Variants in TMC2 observed in about 807,000 individuals in gnomAD.
The protein encoded by TMC2 is transmembrane channel like 2, also known as transmembrane channel-like protein 2.
Under a neutral mutation model 105.9 loss-of-function variants are expected in TMC2, and 102 were observed. The ratio of observed to expected loss-of-function variants is 0.96; its 90% CI spans 0.82 to 1.14. TMC2 has a LOEUF of 1.14. Among genes scored for constraint, TMC2 ranks in the 50% most tolerant of loss-of-function variants. TMC2 has a pLI of 0.00. For synonymous variants in TMC2, 402 were observed against 422.8 expected, an observed-to-expected ratio of 0.95 and a Z score of 0.60; for missense variants, 1,093 against 1,134.3, an observed-to-expected ratio of 0.96 and a Z score of 0.52.
chr20:2,580,573 T>C (rs889983560), intron 7 of TMC2, among the ~76,000 whole-genome samples: 2 of 152,072 alleles, frequency 1.3e-5, no homozygotes, highest in African/African-American at 4.8e-5. Context: ...TATTCTCCCA[T>C]ATATAATTTT....
intron 7 of TMC2, among the ~76,000 whole-genome samples, chr20:2,589,702 C>T (rs780812388): frequency 1.3e-5 from 2 of 152,134 alleles, no homozygotes; most frequent in Admixed American, 6.6e-5. Context: ...CAAAGTCTCC[C>T]TCTGTCTCCC....
chr20:2,613,388 C>G, intron 14 of TMC2, 66 bp downstream of exon 14: 1 of 1,600,602 alleles, frequency 6.2e-7, no homozygotes, highest in Non-Finnish European at 8.6e-7. Context: ...ATACTTATAG[C>G]CAGATGCATT....
intron 2 of TMC2, among the ~76,000 whole-genome samples, chr20:2,538,881 G>A (rs902725524): frequency 1.3e-5 from 2 of 152,152 alleles, no homozygotes; most frequent in African/African-American, 4.8e-5. Flanking sequence ...CCTGCGACGG[G>A]ACCTGATATT....
At chr20:2,640,565 G>A (rs553097439) in intron 19 of TMC2, among the ~76,000 whole-genome samples, 143 of 152,158 alleles carry the variant, frequency 9.4e-4, no homozygotes, top group Admixed American at 2.8e-3. Flanking sequence ...AGTGCAAGGG[G>A]AAGAGCTTAG....
chr20:2,550,141 C>G (rs1423760373), intron 2 of TMC2, among the ~76,000 whole-genome samples: 3 of 151,654 alleles, frequency 2.0e-5, no homozygotes, highest in African/African-American at 7.3e-5. Flanking sequence ...CGAGATCACA[C>G]CAGACTGCAC....
chr20:2,587,432 T>C (rs2086238798), intron 7 of TMC2, among the ~76,000 whole-genome samples: 1 of 152,152 alleles, frequency 6.6e-6, no homozygotes, highest in African/African-American at 2.4e-5. Flanking sequence ...ATCTAGAATT[T>C]TTGCATCTAT....
intron 7 of TMC2, among the ~76,000 whole-genome samples, chr20:2,587,312 T>G (rs750497763): frequency 6.6e-6 from 1 of 152,202 alleles, no homozygotes; most frequent in Admixed American, 6.5e-5. Context: ...GTGAATTATA[T>G]TGATTTATTT....
At chr20:2,557,395 T>C (rs1295198893) in intron 2 of TMC2, among the ~76,000 whole-genome samples, 1 of 152,232 alleles carries the variant, frequency 6.6e-6, no homozygotes, top group Non-Finnish European at 1.5e-5. Context: ...ACTTCTATTA[T>C]AGTGTTTTTG....
At chr20:2,585,505 T>C (rs370665096) in intron 7 of TMC2, among the ~76,000 whole-genome samples, 3 of 152,220 alleles carry the variant, frequency 2.0e-5, no homozygotes, top group African/African-American at 7.2e-5. Flanking sequence ...GAAGTGGTTC[T>C]GGCTTGGGGT....
chr20:2,557,479 T>C (rs1165086925), intron 2 of TMC2, among the ~76,000 whole-genome samples: 1 of 152,214 alleles, frequency 6.6e-6, no homozygotes, highest in Non-Finnish European at 1.5e-5. Flanking sequence ...TGTTCTTGCA[T>C]GTTGTCCATT....
chr20:2,641,178 A>G lies in TMC2; in HGVS notation c.2548A>G (p.Lys850Glu), dbSNP rs2086686072. The change falls in exon 20 of 20, where the codon AAG becomes GAG. Residue 850 changes from lysine (K) to glutamate (E), a missense_variant. By Grantham distance (56) the Lys-to-Glu change is moderately conservative. Coordinates refer to ENST00000358864, the MANE Select transcript of TMC2 (RefSeq NM_080751.3). ...SASQSQAMDK[K>E]AQGPGTSNSA... ...CAGCCAAAGCCAGGCCATGGACAAGAAGGCGCAGGGCCCTGGGACCTCCAA... is the reference window on the plus strand; with the variant it reads ...CAGCCAAAGCCAGGCCATGGACAAGGAGGCGCAGGGCCCTGGGACCTCCAA... 1 of 1,611,490 alleles carries G rather than the reference A, an allele frequency of 6.2e-7. No individual in the cohort carries two copies. Among genetic ancestry groups the G allele is most frequent in the Non-Finnish European group, 8.5e-7 (1 of 1,178,456 alleles).
At chr20:2,604,867 C>A (rs2086377823) in intron 11 of TMC2, among the ~76,000 whole-genome samples, 1 of 152,254 alleles carries the variant, frequency 6.6e-6, no homozygotes, top group African/African-American at 2.4e-5. Context: ...CCCTATGCAT[C>A]TCTTCCACCT....
intron 5 of TMC2, among the ~76,000 whole-genome samples, chr20:2,576,951 C>G (rs2086151030): frequency 6.9e-6 from 1 of 144,620 alleles, no homozygotes; most frequent in South Asian, 2.2e-4. Context: ...CTCTGTCACC[C>G]TGGCTGGAGT....
chr20:2,540,467 C>T (rs191041961), intron 2 of TMC2, among the ~76,000 whole-genome samples: 1 of 151,852 alleles, frequency 6.6e-6, no homozygotes, highest in African/African-American at 2.4e-5. Flanking sequence ...TCAAGACTAG[C>T]CTGGTCAACA....
intron 4 of TMC2, among the ~76,000 whole-genome samples, chr20:2,562,297 T>C (rs2122836000): frequency 6.6e-6 from 1 of 152,352 alleles, no homozygotes; most frequent in South Asian, 2.1e-4. Context: ...ATCTCGTGGC[T>C]TCTGTGCCTC....
Position 2,612,264 on chromosome 20 carries a change from A to G in TMC2, c.1667A>G (p.Asn556Ser). Residue 556 changes from asparagine (N) to serine (S), a missense_variant, in exon 13 of 20, where the codon AAC becomes AGC. Physicochemically the swap from Asn to Ser is conservative, Grantham distance 46. Transcript: ENST00000358864. Reference sequence around the variant, plus strand: ...AACTATTACAACTCTTCTGGTTGGAACGAGAGTGTCCCCCGACCACCCCTG... The same window carrying G: ...AACTATTACAACTCTTCTGGTTGGAGCGAGAGTGTCCCCCGACCACCCCTG... ...LFNYYNSSGW[N>S]ESVPRPPLHP... 6.2e-7 allele frequency: 1 copy of G among 1,612,782 alleles called. No individual in the cohort carries two copies. The highest frequency in any genetic ancestry group is 2.2e-5 in the East Asian group (1 of 44,872).
intron 10 of TMC2, among the ~76,000 whole-genome samples, chr20:2,599,405 T>C (rs2086333508): frequency 6.6e-6 from 1 of 151,490 alleles, no homozygotes; most frequent in Non-Finnish European, 1.5e-5. Flanking sequence ...CTATAGCTCA[T>C]ATAAAATAAC....
intron 17 of TMC2, among the ~76,000 whole-genome samples, chr20:2,626,873 C>T (rs2207152): frequency 0.13 from 19,918 of 152,214 alleles, 1,694 homozygotes; most frequent in Middle Eastern, 0.2. Context: ...TTTTAAAGAA[C>T]GGGTCAGGGG....
chr20:2,606,025 G>T (rs552948344), intron 11 of TMC2, among the ~76,000 whole-genome samples: 121 of 152,254 alleles, frequency 7.9e-4, no homozygotes, highest in African/African-American at 2.7e-3. Flanking sequence ...CTCTAATTCA[G>T]CATGTACATA....
Sources: allele counts gnomAD v4.1 joint callset (sites outside exome capture counted in the v4.1 genomes callset), GRCh38; gene constraint gnomAD v4.1.1; transcripts MANE v1.5; gene names NCBI Gene and HGNC (gene_info 2026-07-23, HGNC 2026-07-21).